The following COBL variants were observed in gnomAD, a reference collection of about 807,000 sequenced individuals.
COBL encodes the protein protein cordon-bleu.
A neutral mutation model predicts 98.8 loss-of-function variants in COBL; 51 were observed. That is an observed-to-expected ratio of 0.52 (90% confidence interval 0.41 to 0.65). The LOEUF is 0.65. Ranked by LOEUF, COBL falls within the 30% of genes least tolerant of loss-of-function variation. COBL has a pLI of 0.00. For synonymous variants in COBL, 634 were observed against 651.7 expected, an observed-to-expected ratio of 0.97 and a Z score of 0.41; for missense variants, 1,617 against 1,617.5, an observed-to-expected ratio of 1.00 and a Z score of 0.01.
intron 2 of COBL, among the ~76,000 whole-genome samples, chr7:51,213,028 A>T (rs1792607031): frequency 6.6e-6 from 1 of 152,214 alleles, no homozygotes; most frequent in Non-Finnish European, 1.5e-5. Context: ...TCCCAACACA[A>T]TGTTAAAACA....
intron 1 of COBL, among the ~76,000 whole-genome samples, chr7:51,257,318 A>G (rs951866174): frequency 1.3e-5 from 2 of 152,192 alleles, no homozygotes; most frequent in African/African-American, 4.8e-5. Context: ...CCAAGACTCC[A>G]CTCAGTAGAA....
intron 6 of COBL, among the ~76,000 whole-genome samples, chr7:51,114,334 C>T (rs976655614): frequency 3.3e-5 from 5 of 150,106 alleles, no homozygotes; most frequent in Non-Finnish European, 5.9e-5. Flanking sequence ...CTGTTATACA[C>T]GGTCAAATTC....
Position 51,100,713 on chromosome 7 carries a change from C to T in COBL, c.958-15409G>A, listed in dbSNP as rs192441160. The stretch of plus-strand genomic sequence containing the variant: ...GTCAGGAGTTTGAGACCAGCCTGAC[C>T]AACATGGTGAAACCCCATCTCTACT... On this transcript the variant is annotated intron_variant, in intron 6 of 12. Coordinates refer to ENST00000265136, the MANE Select transcript of COBL (RefSeq NM_015198.5). Among the ~76,000 whole-genome samples, 1,056 of 152,206 alleles carry T rather than the reference C, an allele frequency of 6.9e-3. 6 individuals are homozygous for T. Among genetic ancestry groups the T allele is most frequent in the Admixed American group, 0.011 (170 of 15,284 alleles).
At chr7:51,180,404 A>T (rs140869372) in intron 5 of COBL, among the ~76,000 whole-genome samples, 1 of 152,322 alleles carries the variant, frequency 6.6e-6, no homozygotes, top group African/African-American at 2.4e-5. Context: ...GAATTCATAC[A>T]GGTATTACCG....
intron 5 of COBL, among the ~76,000 whole-genome samples, chr7:51,162,000 T>C (rs902624720): frequency 1.7e-4 from 26 of 152,214 alleles, no homozygotes; most frequent in African/African-American, 6.0e-4. Flanking sequence ...TCAGGTACCT[T>C]GTCTCATCCG....
chr7:51,290,339 T>C (rs912012227), intron 1 of COBL, among the ~76,000 whole-genome samples: 12 of 152,228 alleles, frequency 7.9e-5, no homozygotes, highest in African/African-American at 2.9e-4. Context: ...ACATGGATTC[T>C]GAAGGAACAG....
At chr7:51,111,932 A>AC (rs1796863757) in intron 6 of COBL, among the ~76,000 whole-genome samples, 1 of 152,208 alleles carries the variant, frequency 6.6e-6, no homozygotes, top group Non-Finnish European at 1.5e-5. Flanking sequence ...CACTTACTTC[A>AC]CAGGGACATA....
intron 7 of COBL, among the ~76,000 whole-genome samples, chr7:51,054,254 A>G (rs1297154982): frequency 6.6e-6 from 1 of 152,154 alleles, no homozygotes; most frequent in Admixed American, 6.5e-5. Flanking sequence ...TTCTTTTCAC[A>G]TAAATTACAA....
chr7:51,017,002 G>A lies in COBL; in HGVS notation c.*549C>T. The A allele has an allele frequency of 4.9e-6, 2 of 405,066 alleles. No homozygotes were observed. The allele number at this position is 405,066 out of a possible 1,614,324, so 25.1% of individuals were successfully genotyped here. ...ATATTTGAGGAAGAAGAATCCAGCA[G>A]TTTTACTACCTAACAAAGCCACCTT... On this transcript the variant is annotated 3_prime_UTR_variant, in exon 13 of 13. Coordinates refer to ENST00000265136, the MANE Select transcript of COBL (RefSeq NM_015198.5).
At chr7:51,086,358 GAAAAAAAAAAA>G (rs57609497) in intron 6 of COBL, among the ~76,000 whole-genome samples, 3 of 74,834 alleles carry the variant, frequency 4.0e-5, no homozygotes, top group South Asian at 6.2e-4. Context: ...CTGTGTCTCA[GAAAAAAAAAAA>G]AAAAAAAAAA....
At chr7:51,115,573 T>C (rs1797203583) in intron 6 of COBL, among the ~76,000 whole-genome samples, 1 of 152,150 alleles carries the variant, frequency 6.6e-6, no homozygotes, top group African/African-American at 2.4e-5. Context: ...AGGGTTGTCC[T>C]AGACATATTG....
chr7:51,170,506 G>GATATATAT lies in COBL; in HGVS notation c.783+13588_783+13595dup, dbSNP rs3047166. ...GCTCTGAAACAAAACCTGACACTGT[G>GATATATAT]ATATATATATATATATATATATATA... On this transcript the variant is annotated intron_variant, in intron 5 of 12. Coordinates refer to ENST00000265136, the MANE Select transcript of COBL (RefSeq NM_015198.5). Among the ~76,000 whole-genome samples the GATATATAT allele has an allele frequency of 4.2e-3, 556 of 132,012 alleles. 1 individual carries two copies. The highest frequency in any genetic ancestry group is 0.015 in the African/African-American group (511 of 33,728). 86.6% of individuals were successfully genotyped at this position (132,012 alleles called of 152,430 possible). A position where few individuals can be genotyped will look rare whatever the true frequency, so the allele number is the denominator to read the frequency against.
chr7:51,190,058 T>A (rs1789945282), intron 4 of COBL, among the ~76,000 whole-genome samples: 1 of 152,172 alleles, frequency 6.6e-6, no homozygotes, highest in African/African-American at 2.4e-5. Flanking sequence ...AGGCCTAAGG[T>A]GGCCCTAAAG....
At chr7:51,294,700 T>C (rs892804164) in intron 1 of COBL, among the ~76,000 whole-genome samples, 1 of 151,984 alleles carries the variant, frequency 6.6e-6, no homozygotes, top group Non-Finnish European at 1.5e-5. Context: ...GTTTAATATT[T>C]TTCTGTACTT....
intron 1 of COBL, among the ~76,000 whole-genome samples, chr7:51,223,034 C>T (rs376920858): frequency 6.6e-6 from 1 of 152,238 alleles, no homozygotes; most frequent in South Asian, 2.1e-4. Flanking sequence ...GGTGGAGTCA[C>T]GTGAATCACA....
intron 1 of COBL, among the ~76,000 whole-genome samples, chr7:51,265,661 G>A (rs1311024230): frequency 3.3e-5 from 5 of 152,346 alleles, no homozygotes; most frequent in Admixed American, 6.5e-5. Context: ...CAGAGGGGAA[G>A]AAGGGGCAGG....
At chr7:51,134,894 C>G (rs895472502) in intron 6 of COBL, among the ~76,000 whole-genome samples, 5 of 152,154 alleles carry the variant, frequency 3.3e-5, no homozygotes, top group African/African-American at 9.7e-5. Context: ...TATGAAAACA[C>G]AGCTAATATA....
chr7:51,167,456 T>C (rs1383302124), intron 5 of COBL, among the ~76,000 whole-genome samples: 1 of 152,024 alleles, frequency 6.6e-6, no homozygotes, highest in African/African-American at 2.4e-5. Flanking sequence ...TACCAAAAAA[T>C]TGAAAAATAT....
intron 5 of COBL, among the ~76,000 whole-genome samples, chr7:51,177,695 C>A (rs1485825838): frequency 6.6e-6 from 1 of 151,650 alleles, no homozygotes; most frequent in Non-Finnish European, 1.5e-5. Context: ...ATCACTTGAA[C>A]CCAGGAGGCA....
Sources: allele counts gnomAD v4.1 joint callset (sites outside exome capture counted in the v4.1 genomes callset), GRCh38; gene constraint gnomAD v4.1.1; transcripts MANE v1.5; gene names NCBI Gene and HGNC (gene_info 2026-07-23, HGNC 2026-07-21).